Variants in ADAMTS19 observed in about 807,000 individuals in gnomAD.
ADAMTS19 encodes the protein ADAM metallopeptidase with thrombospondin type 1 motif 19.
In ADAMTS19, 93 loss-of-function variants were observed where a neutral mutation model predicts 153.3. That is an observed-to-expected ratio of 0.61 (90% CI 0.51 to 0.72). The LOEUF (loss-of-function observed/expected upper bound fraction) is 0.72, where lower values mean the gene tolerates loss of function less well. Ranked by LOEUF, ADAMTS19 falls within the 30% of genes least tolerant of loss-of-function variation. The probability of loss-of-function intolerance (pLI) is 0.00; values close to 1 mark genes in which losing one functional copy is unlikely to be tolerated. For missense variants in ADAMTS19, 1,482 were observed against 1,552.1 expected, an observed-to-expected ratio of 0.95 and a Z score of 0.76; for synonymous variants, 600 against 556.6, an observed-to-expected ratio of 1.08 and a Z score of -1.10.
In ADAMTS19 at chr5:129,717,842, A is replaced by G. The variant is rs147719540; in HGVS notation, c.3312+13451A>G. Among the ~76,000 whole-genome samples, 332 of 152,338 alleles carry G rather than the reference A, an allele frequency of 2.2e-3. 1 individual carries two copies. The highest frequency in any genetic ancestry group is 7.6e-3 in the African/African-American group (317 of 41,586). ...ACTTTACTTATTTAAACAAAACAGA[A>G]CAAAAAACACACAGTTCTCTCTCAC... On this transcript the variant is annotated intron_variant, in intron 21 of 22. Coordinates refer to ENST00000274487, the MANE Select transcript of ADAMTS19 (RefSeq NM_133638.6).
At chr5:129,576,563 C>G (rs1005685471) in intron 7 of ADAMTS19, among the ~76,000 whole-genome samples, 1 of 151,350 alleles carries the variant, frequency 6.6e-6, no homozygotes, top group Non-Finnish European at 1.5e-5. Flanking sequence ...TGTTATTTTC[C>G]CTCTAGTTTA....
chr5:129,582,831 A>G (rs1561584253), intron 7 of ADAMTS19, among the ~76,000 whole-genome samples: 1 of 151,216 alleles, frequency 6.6e-6, no homozygotes, highest in Non-Finnish European at 1.5e-5. Flanking sequence ...TCAGCCTCCC[A>G]AAAGTGCTGG....
chr5:129,463,291 C>T (rs1749749640), intron 2 of ADAMTS19, among the ~76,000 whole-genome samples: 1 of 152,002 alleles, frequency 6.6e-6, no homozygotes, highest in Non-Finnish European at 1.5e-5. Flanking sequence ...TGACCTATTC[C>T]TTCTCTCCAT....
chr5:129,527,432 ACTC>A (rs924423989), intron 4 of ADAMTS19, among the ~76,000 whole-genome samples: 4 of 149,450 alleles, frequency 2.7e-5, no homozygotes, highest in African/African-American at 7.4e-5. Context: ...CCTCCTGAGC[ACTC>A]CTCTAAAATG....
At chr5:129,563,346 T>A (rs937200731) in intron 7 of ADAMTS19, among the ~76,000 whole-genome samples, 4 of 152,162 alleles carry the variant, frequency 2.6e-5, no homozygotes, top group African/African-American at 9.7e-5. Context: ...CTGAAAAGCC[T>A]TATTAGTTTA....
intron 11 of ADAMTS19, among the ~76,000 whole-genome samples, chr5:129,642,649 G>A (rs930745156): frequency 6.6e-6 from 1 of 152,170 alleles, no homozygotes; most frequent in African/African-American, 2.4e-5. Flanking sequence ...TGGGAAAGTA[G>A]AATTGTTATC....
intron 21 of ADAMTS19, among the ~76,000 whole-genome samples, chr5:129,709,793 A>T (rs1474041888): frequency 6.6e-6 from 1 of 152,204 alleles, no homozygotes; most frequent in Non-Finnish European, 1.5e-5. Context: ...ATTGGCCAGC[A>T]GTCAATACAA....
intron 8 of ADAMTS19, among the ~76,000 whole-genome samples, chr5:129,610,117 T>C (rs1244726003): frequency 6.6e-6 from 1 of 150,892 alleles, no homozygotes; most frequent in Non-Finnish European, 1.5e-5. Context: ...ATATATATTA[T>C]TTAAAATTAA....
intron 21 of ADAMTS19, among the ~76,000 whole-genome samples, chr5:129,711,426 A>C (rs932891966): frequency 6.6e-6 from 1 of 152,228 alleles, no homozygotes; most frequent in Admixed American, 6.5e-5. Flanking sequence ...CTGTAATCCC[A>C]GCACTTTGGG....
chr5:129,582,598 A>G (rs910806917), intron 7 of ADAMTS19, among the ~76,000 whole-genome samples: 4 of 151,930 alleles, frequency 2.6e-5, no homozygotes, highest in Non-Finnish European at 5.9e-5. Context: ...TTTGAGACGG[A>G]GTCTCACTCT....
At chr5:129,480,484 T>C (rs1427649102) in intron 2 of ADAMTS19, among the ~76,000 whole-genome samples, 1 of 152,144 alleles carries the variant, frequency 6.6e-6, no homozygotes, top group East Asian at 1.9e-4. Flanking sequence ...GAGAAAATAT[T>C]TGCAAAAGAT....
At chr5:129,526,199 TG>T (rs1752000642) in intron 3 of ADAMTS19, 84 bp from the exon 4 acceptor site, 1 of 1,170,888 alleles carries the variant, frequency 8.5e-7, no homozygotes, top group African/African-American at 1.6e-5. Flanking sequence ...GGAACTTATT[TG>T]GGTTTGCTCA....
chr5:129,708,590 CAAAAAAAAAA>C (rs1174701520), intron 21 of ADAMTS19, among the ~76,000 whole-genome samples: 4 of 61,822 alleles, frequency 6.5e-5, no homozygotes, highest in African/African-American at 2.4e-4. Context: ...AGCAGAGAAG[CAAAAAAAAAA>C]AAAAAAAAAA....
chr5:129,650,985 C>G (rs969063964), intron 13 of ADAMTS19, among the ~76,000 whole-genome samples: 1 of 152,112 alleles, frequency 6.6e-6, no homozygotes, highest in African/African-American at 2.4e-5. Flanking sequence ...TTAGTTGACT[C>G]TTAAATACAT....
chr5:129,719,438 T>C (rs1756877977), intron 21 of ADAMTS19, among the ~76,000 whole-genome samples: 1 of 152,220 alleles, frequency 6.6e-6, no homozygotes, highest in Admixed American at 6.5e-5. Context: ...ACAGTACTTA[T>C]ATGACTTTTC....
intron 7 of ADAMTS19, among the ~76,000 whole-genome samples, chr5:129,558,012 G>A (rs2126835787): frequency 6.6e-6 from 1 of 152,014 alleles, no homozygotes; most frequent in Non-Finnish European, 1.5e-5. Flanking sequence ...TGATCATCTT[G>A]TTTGGATAAA....
intron 2 of ADAMTS19, among the ~76,000 whole-genome samples, chr5:129,495,331 C>A (rs971522209): frequency 1.3e-4 from 20 of 152,060 alleles, no homozygotes; most frequent in African/African-American, 4.6e-4. Context: ...AATTTAGAAT[C>A]AAAGGAAATT....
intron 8 of ADAMTS19, among the ~76,000 whole-genome samples, chr5:129,603,237 G>A (rs1348807010): frequency 6.6e-6 from 1 of 152,186 alleles, no homozygotes; most frequent in Non-Finnish European, 1.5e-5. Flanking sequence ...CTAAGTCAGT[G>A]TTGCACTAGG....
chr5:129,691,517 A>G (rs1011393566), intron 18 of ADAMTS19, among the ~76,000 whole-genome samples: 2 of 152,192 alleles, frequency 1.3e-5, no homozygotes, highest in Non-Finnish European at 2.9e-5. Context: ...ATTTAAATAT[A>G]TAAAAGAAAA....
Sources: allele counts gnomAD v4.1 joint callset (sites outside exome capture counted in the v4.1 genomes callset), GRCh38; gene constraint gnomAD v4.1.1; transcripts MANE v1.5; gene names NCBI Gene and HGNC (gene_info 2026-07-23, HGNC 2026-07-21).